The following DGKB variants were observed in gnomAD, a reference collection of about 807,000 sequenced individuals.
The protein encoded by DGKB is diacylglycerol kinase beta, also known as 90 kDa diacylglycerol kinase.
DGKB carries 67 observed loss-of-function variants against 114.3 expected under a neutral mutation model. The observed-to-expected ratio is 0.59, with a 90% CI of 0.48 to 0.72. The LOEUF (loss-of-function observed/expected upper bound fraction) is 0.72. Among genes scored for constraint, DGKB ranks in the 30% least tolerant of loss-of-function variants. The pLI is 0.00. For missense variants in DGKB, 907 were observed against 975.2 expected (o/e 0.93, Z 0.93); for synonymous variants, 398 against 323.1 (o/e 1.23, Z -2.49).
intron 21 of DGKB, among the ~76,000 whole-genome samples, chr7:14,456,505 G>A (rs1026226537): frequency 5.9e-5 from 9 of 152,144 alleles, no homozygotes; most frequent in African/African-American, 1.9e-4. Flanking sequence ...ATTGCACTCA[G>A]TGTGGTCAAA....
At chr7:14,352,743 T>G (rs1184991862) in intron 21 of DGKB, among the ~76,000 whole-genome samples, 1 of 151,996 alleles carries the variant, frequency 6.6e-6, no homozygotes, top group Non-Finnish European at 1.5e-5. Context: ...ACCAACATGG[T>G]GAAACCCTGT....
At chr7:14,162,302 C>T (rs1784018518) in intron 25 of DGKB, among the ~76,000 whole-genome samples, 3 of 152,190 alleles carry the variant, frequency 2.0e-5, no homozygotes, top group Admixed American at 2.0e-4. Flanking sequence ...TAACCATCAA[C>T]TGGGAGATTA....
chr7:14,946,987 CAT>C (rs1254150560), intron 1 of DGKB, among the ~76,000 whole-genome samples: 1 of 151,378 alleles, frequency 6.6e-6, no homozygotes, highest in East Asian at 1.9e-4. Flanking sequence ...ACTCTAAGAA[CAT>C]ATTTTAAGAA....
In DGKB at chr7:14,146,207, G is replaced by A. The variant is rs1000275501; in HGVS notation, c.*2924C>T. ...AAGGAAGTGGAAAAAATAAATTTAC[G>A]TCTTTTAAACTTTCTGGTTCTATGT... On this transcript the variant is annotated 3_prime_UTR_variant, in exon 26 of 26. Coordinates refer to ENST00000402815, the MANE Select transcript of DGKB (RefSeq NM_001350709.2). The A allele has an allele frequency of 1.3e-5, 2 of 152,134 alleles. No homozygotes were observed. Among genetic ancestry groups the A allele is most frequent in the Non-Finnish European group, 2.9e-5 (2 of 68,018 alleles). The allele number at this position is 152,134 out of a possible 1,614,324, so 9.4% of individuals were successfully genotyped here. A position where few individuals can be genotyped will look rare whatever the true frequency, so the allele number is the denominator to read the frequency against.
intron 21 of DGKB, among the ~76,000 whole-genome samples, chr7:14,352,017 T>C (rs1170586407): frequency 1.3e-5 from 2 of 152,186 alleles, no homozygotes; most frequent in Non-Finnish European, 2.9e-5. Context: ...ACATTTTTCA[T>C]ATTTCTAGAC....
intron 4 of DGKB, among the ~76,000 whole-genome samples, chr7:14,751,252 C>A (rs1251681961): frequency 1.3e-5 from 2 of 152,126 alleles, no homozygotes; most frequent in Non-Finnish European, 2.9e-5. Flanking sequence ...AAAACCCCAG[C>A]ATTAGTTTTT....
intron 21 of DGKB, among the ~76,000 whole-genome samples, chr7:14,429,853 G>A (rs1044973446): frequency 6.6e-5 from 10 of 152,198 alleles, no homozygotes; most frequent in Admixed American, 2.0e-4. Flanking sequence ...CCAGGACCCG[G>A]AAGGCGGAGG....
chr7:14,323,049 A>G (rs1202150940), intron 23 of DGKB, among the ~76,000 whole-genome samples: 1 of 152,132 alleles, frequency 6.6e-6, no homozygotes, highest in Admixed American at 6.6e-5. Flanking sequence ...TTATTACTCA[A>G]TTTATACCCA....
intron 2 of DGKB, among the ~76,000 whole-genome samples, chr7:14,767,189 G>A (rs1836586234): frequency 6.6e-6 from 1 of 151,518 alleles, no homozygotes; most frequent in East Asian, 1.9e-4. Context: ...ATTCAGTCGA[G>A]AGAGAAAAAA....
At chr7:14,447,197 A>C (rs183618811) in intron 21 of DGKB, among the ~76,000 whole-genome samples, 2 of 151,990 alleles carry the variant, frequency 1.3e-5, no homozygotes, top group East Asian at 3.9e-4. Flanking sequence ...CCCACAGAAG[A>C]CTTCCTTGTT....
intron 17 of DGKB, among the ~76,000 whole-genome samples, chr7:14,590,444 A>T (rs539257965): frequency 6.6e-6 from 1 of 152,176 alleles, no homozygotes; most frequent in Admixed American, 6.5e-5. Context: ...CTATTCCATG[A>T]TGATGTTTCA....
At chr7:14,524,586 T>C (rs1790327354) in intron 20 of DGKB, among the ~76,000 whole-genome samples, 1 of 151,970 alleles carries the variant, frequency 6.6e-6, no homozygotes, top group Non-Finnish European at 1.5e-5. Context: ...CAAAACCCTG[T>C]CCCTACTAAA....
At position 14,447,327 on chromosome 7, in the gene DGKB, G is replaced by A. The variant is rs531137732; in HGVS notation, c.1835+30834C>T. On this transcript the variant is annotated intron_variant, in intron 21 of 25. Transcript: ENST00000402815. ...CCTACTCTGTCTTACTCATTTTCTG[G>A]TGTCTGTGTGCCTTATTCTTCTTGG... Among the ~76,000 whole-genome samples the A allele has an allele frequency of 5.3e-5, 8 of 152,086 alleles. No individual in the cohort carries two copies. The East Asian group carries it at 1.6e-3, about 30-fold the overall frequency.
At chr7:14,179,648 G>A (rs933398302) in intron 23 of DGKB, among the ~76,000 whole-genome samples, 1 of 152,130 alleles carries the variant, frequency 6.6e-6, no homozygotes, top group Non-Finnish European at 1.5e-5. Flanking sequence ...GCAGCAAATA[G>A]TGCTTTGCAA....
At chr7:14,567,218 T>C (rs1467015970) in intron 20 of DGKB, among the ~76,000 whole-genome samples, 1 of 68,868 alleles carries the variant, frequency 1.5e-5, no homozygotes, top group African/African-American at 6.7e-5. Context: ...TATATATTTA[T>C]ATATAATATA....
intron 21 of DGKB, among the ~76,000 whole-genome samples, chr7:14,416,295 A>G (rs925266922): frequency 6.6e-6 from 1 of 152,018 alleles, no homozygotes; most frequent in Non-Finnish European, 1.5e-5. Context: ...TTTTTCAGTT[A>G]TGTTTCATAG....
intron 23 of DGKB, among the ~76,000 whole-genome samples, chr7:14,222,981 A>T (rs1438506861): frequency 1.3e-5 from 2 of 151,632 alleles, no homozygotes; most frequent in African/African-American, 4.8e-5. Context: ...TGTTTGCATG[A>T]TCTGTCTTTC....
At chr7:14,645,149 C>G in intron 13 of DGKB, among the ~76,000 whole-genome samples, 1 of 152,084 alleles carries the variant, frequency 6.6e-6, no homozygotes, top group Non-Finnish European at 1.5e-5. Context: ...TTCCCCGATT[C>G]TAAGCCCATA....
At chr7:14,689,210 T>TTTTTA (rs1356850676) in intron 9 of DGKB, among the ~76,000 whole-genome samples, 13 of 127,366 alleles carry the variant, frequency 1.0e-4, no homozygotes, top group African/African-American at 3.5e-4. Context: ...TTTTTTTTTT[T>TTTTTA]TTTTTTTTTT....
Sources: allele counts gnomAD v4.1 joint callset (sites outside exome capture counted in the v4.1 genomes callset), GRCh38; gene constraint gnomAD v4.1.1; transcripts MANE v1.5; gene names NCBI Gene and HGNC (gene_info 2026-07-23, HGNC 2026-07-21).